The following CATSPERE variants were observed in gnomAD, a reference collection of about 807,000 sequenced individuals.
The protein encoded by CATSPERE is cation channel sperm-associated auxiliary subunit epsilon.
CATSPERE carries 93 observed loss-of-function variants against 114.1 expected under a neutral mutation model. That is an observed-to-expected ratio of 0.81 (90% CI 0.69 to 0.97). The LOEUF (loss-of-function observed/expected upper bound fraction) is 0.97, where lower values mean the gene tolerates loss of function less well. Among genes scored for constraint, CATSPERE ranks in the 50% least tolerant of loss-of-function variants. The pLI is 0.00. For synonymous variants in CATSPERE, 341 were observed against 384.1 expected, an observed-to-expected ratio of 0.89 and a Z score of 1.31; for missense variants, 1,058 against 1,131.6, an observed-to-expected ratio of 0.93 and a Z score of 0.93.
At chr1:244,451,539 G>C, upstream of CATSPERE, 1 of 1,357,294 alleles carries the variant, frequency 7.4e-7, no homozygotes. This position sits in a 1 kb window ranked among gnomAD's most constrained non-coding sequence, Gnocchi z 6.6. Context: ...ATTTTGGCCA[G>C]TGGATCCGGG....
intron 9 of CATSPERE, among the ~76,000 whole-genome samples, chr1:244,553,600 A>AAAAAACAC (rs1553356088): frequency 3.1e-5 from 1 of 32,578 alleles, no homozygotes; most frequent in Non-Finnish European, 6.1e-5. Flanking sequence ...AAAAAAAAAA[A>AAAAAACAC]ATACACACAC....
chr1:244,605,037 G>A (rs1046530030), intron 17 of CATSPERE, among the ~76,000 whole-genome samples: 40 of 152,258 alleles, frequency 2.6e-4, no homozygotes, highest in Middle Eastern at 3.4e-3. Context: ...TCCAGGGAGC[G>A]TACAGGCTAC....
chr1:244,600,344 G>C (rs939433448), intron 17 of CATSPERE, among the ~76,000 whole-genome samples: 3 of 134,024 alleles, frequency 2.2e-5, no homozygotes, highest in Non-Finnish European at 4.7e-5. Flanking sequence ...GATATATTAA[G>C]AGCTACCTAG....
At chr1:244,490,588 G>C (rs1053232810) in intron 6 of CATSPERE, 117 bp downstream of exon 6, 3 of 678,142 alleles carry the variant, frequency 4.4e-6, no homozygotes, top group Non-Finnish European at 7.6e-6. Context: ...AATGATATTT[G>C]CTTAGAGTAT....
intron 20 of CATSPERE, among the ~76,000 whole-genome samples, chr1:244,622,061 G>A (rs1183386561): frequency 6.6e-6 from 1 of 152,176 alleles, no homozygotes; most frequent in Non-Finnish European, 1.5e-5. Flanking sequence ...CAAGTCCAAA[G>A]TCTGAATGAC....
At chr1:244,638,841 G>A (rs147972313) in intron 21 of CATSPERE, among the ~76,000 whole-genome samples, 93 of 152,184 alleles carry the variant, frequency 6.1e-4, no homozygotes, top group African/African-American at 2.2e-3. Flanking sequence ...AGATATATCC[G>A]CTTCTCTCCA....
chr1:244,461,815 G>T (rs1197089726), intron 1 of CATSPERE, among the ~76,000 whole-genome samples: 1 of 152,150 alleles, frequency 6.6e-6, no homozygotes, highest in Non-Finnish European at 1.5e-5. Flanking sequence ...TAGGGCGGGG[G>T]TTGTCTGTTT....
In CATSPERE at chr1:244,552,725, A is replaced by G; in HGVS notation, c.940A>G (p.Ile314Val). Reference protein sequence around the residue: ...VLYIKSFRGFIRLGGIVNLPD... With the variant: ...VLYIKSFRGFVRLGGIVNLPD... ...TTACATAAAGAGTTTTCGTGGATTT[A>G]TAAGACTGGGAGGAATTGTAAATCT... Residue 314 changes from isoleucine to valine, a missense_variant, in exon 9 of 22, where the codon ATA becomes GTA. Around this residue, in one of 2 missense-constraint regions of CATSPERE, gnomAD observed 787 missense variants for 905.6 expected, o/e 0.87. Coordinates refer to ENST00000366534, the MANE Select transcript of CATSPERE (RefSeq NM_001130957.2). The G allele has an allele frequency of 1.9e-6, 3 of 1,614,138 alleles. No individual in the cohort carries two copies. The highest frequency in any genetic ancestry group is 2.5e-6 in the Non-Finnish European group (3 of 1,180,010).
chr1:244,567,848 A>G (rs1489546976), intron 10 of CATSPERE, among the ~76,000 whole-genome samples: 1 of 152,058 alleles, frequency 6.6e-6, no homozygotes, highest in Admixed American at 6.6e-5. Context: ...ATGTCAGTTC[A>G]TCAAACTCAT....
chr1:244,614,142 C>T (rs1170664878), intron 19 of CATSPERE, among the ~76,000 whole-genome samples: 5 of 152,186 alleles, frequency 3.3e-5, no homozygotes, highest in African/African-American at 1.2e-4. Flanking sequence ...TTATAAATTA[C>T]TCCATTTCAG....
At chr1:244,508,258 A>G (rs1675120704) in intron 7 of CATSPERE, among the ~76,000 whole-genome samples, 1 of 149,208 alleles carries the variant, frequency 6.7e-6, no homozygotes, top group Non-Finnish European at 1.5e-5. Flanking sequence ...TTTGTTTTTC[A>G]GCTAGTTTGT....
At chr1:244,513,990 T>C (rs1676175607) in intron 7 of CATSPERE, among the ~76,000 whole-genome samples, 1 of 152,240 alleles carries the variant, frequency 6.6e-6, no homozygotes, top group South Asian at 2.1e-4. Context: ...ATATTCTGGA[T>C]ATTAATGTTT....
At chr1:244,463,662 A>C (rs1024825172) in intron 1 of CATSPERE, among the ~76,000 whole-genome samples, 1 of 147,916 alleles carries the variant, frequency 6.8e-6, no homozygotes, top group Non-Finnish European at 1.5e-5. Context: ...AAAAAAAAAA[A>C]CCAGGTAAAG....
At chr1:244,520,923 T>A (rs1056444676) in intron 8 of CATSPERE, among the ~76,000 whole-genome samples, 1 of 152,244 alleles carries the variant, frequency 6.6e-6, no homozygotes, top group African/African-American at 2.4e-5. Context: ...CTAGCACAGA[T>A]AATTCCAATC....
chr1:244,461,449 C>G lies in CATSPERE; in HGVS notation c.20C>G (p.Ala7Gly). The change falls in exon 1 of 22, where the codon GCC becomes GGC. Residue 7 changes from alanine to glycine, a missense_variant. By Grantham distance (60) the Ala-to-Gly change is moderately conservative (BLOSUM62 0). Around this residue, in one of 2 missense-constraint regions of CATSPERE, gnomAD observed 271 missense variants for 225.9 expected, o/e 1.20. Coordinates refer to ENST00000366534, the MANE Select transcript of CATSPERE (RefSeq NM_001130957.2). ...GGCGCCATGTCAGCCCGGGAAGTGG[C>G]CGTGCTGCTGCTGTGGCTGAGCTGC... MSAREV[A>G]VLLLWLSCYG... 2.2e-6 allele frequency: 3 copies of G among 1,386,416 alleles called. No homozygotes were observed. The highest frequency in any genetic ancestry group is 9.4e-7 in the Non-Finnish European group (1 of 1,061,520). 85.9% of individuals were successfully genotyped at this position (1,386,416 alleles called of 1,614,324 possible). A position where few individuals can be genotyped will look rare whatever the true frequency, so the allele number is the denominator to read the frequency against.
chr1:244,551,526 T>A (rs1417071188), intron 8 of CATSPERE, among the ~76,000 whole-genome samples: 1 of 152,138 alleles, frequency 6.6e-6, no homozygotes, highest in East Asian at 1.9e-4. Context: ...ATCTAAACAA[T>A]ATAAACACTC....
intron 8 of CATSPERE, among the ~76,000 whole-genome samples, chr1:244,534,259 T>C (rs951755071): frequency 1.2e-4 from 18 of 152,186 alleles, no homozygotes; most frequent in African/African-American, 4.1e-4. Context: ...GGGTTAACTC[T>C]GCTTGGTGTT....
At chr1:244,477,045 G>A (rs1045680075) in intron 2 of CATSPERE, among the ~76,000 whole-genome samples, 1 of 152,070 alleles carries the variant, frequency 6.6e-6, no homozygotes, top group Admixed American at 6.6e-5. Flanking sequence ...TCCCAGGCTG[G>A]AGTACAATGA....
intron 8 of CATSPERE, among the ~76,000 whole-genome samples, chr1:244,547,514 G>A (rs1216503675): frequency 6.6e-6 from 1 of 152,054 alleles, no homozygotes; most frequent in African/African-American, 2.4e-5. Flanking sequence ...AATTTGTTAA[G>A]GTATATGCAA....
Sources: gnomAD v4.1 joint callset for allele counts (sites outside exome capture counted in the v4.1 genomes callset) on GRCh38, gnomAD v4.1.1 for gene constraint, gnomAD v4.1.1 regional missense constraint, Gnocchi (gnomAD v3.1) non-coding constraint, MANE v1.5 for transcripts, NCBI Gene and HGNC (gene_info 2026-07-23, HGNC 2026-07-21) for gene names.